RXRG: variants seen among roughly 807,000 people sequenced by gnomAD.
RXRG encodes retinoid X receptor gamma.
A neutral mutation model predicts 49.2 loss-of-function variants in RXRG; 19 were observed. The ratio of observed to expected loss-of-function variants is 0.39; its 90% CI spans 0.27 to 0.57. RXRG has a LOEUF of 0.57. RXRG is among the 20% of genes least tolerant of loss of function. The probability of loss-of-function intolerance (pLI) is 0.64; values close to 1 mark genes in which losing one functional copy is unlikely to be tolerated. For missense variants in RXRG, 452 were observed against 592.5 expected, an observed-to-expected ratio of 0.76 and a Z score of 2.46; for synonymous variants, 224 against 216.6, an observed-to-expected ratio of 1.03 and a Z score of -0.30.
At position 165,445,106 on chromosome 1, in the gene RXRG, G is replaced by A. The variant is rs537633518; in HGVS notation, c.-213C>T. 5 of 572,030 alleles carry A rather than the reference G, an allele frequency of 8.7e-6. No homozygotes were observed. The highest frequency in any genetic ancestry group is 4.5e-4 in the Middle Eastern group (1 of 2,204). 35.4% of individuals were successfully genotyped at this position (572,030 alleles called of 1,614,324 possible). A position where few individuals can be genotyped will look rare whatever the true frequency, so the allele number is the denominator to read the frequency against. On this transcript the variant is annotated 5_prime_UTR_variant, in exon 1 of 10. Coordinates refer to ENST00000359842, the MANE Select transcript of RXRG (RefSeq NM_006917.5). ...GAGTCCACATAGTGCGTTTGAGACGGCTGTGGCGGCAGCAGCTGGTGCCTG... is the reference window on the plus strand; with the variant it reads ...GAGTCCACATAGTGCGTTTGAGACGACTGTGGCGGCAGCAGCTGGTGCCTG...
In RXRG at chr1:165,444,710, A is replaced by G. The variant is rs142772934; in HGVS notation, c.49+135T>C. On this transcript the variant is annotated intron_variant, in intron 1 of 9. Transcript: ENST00000359842. Reference sequence around the variant, plus strand: ...GCGTGCACACACACGCTGAAACGCTATATACACACTATATATGCATATAAA... The same window carrying G: ...GCGTGCACACACACGCTGAAACGCTGTATACACACTATATATGCATATAAA... 1.3e-4 allele frequency: 102 copies of G among 764,662 alleles called. 1 individual carries two copies. The highest frequency in any genetic ancestry group is 1.3e-3 in the African/African-American group (75 of 58,328). 47.4% of individuals were successfully genotyped at this position (764,662 alleles called of 1,614,324 possible).
At chr1:165,410,568 C>T in intron 6 of RXRG, 134 bp downstream of exon 6, 1 of 982,546 alleles carries the variant, frequency 1.0e-6, no homozygotes, top group East Asian at 2.6e-5. Context: ...AATGAACAAC[C>T]CCGCACAGGG....
chr1:165,407,249 G>A (rs1326056729), intron 8 of RXRG, among the ~76,000 whole-genome samples: 2 of 152,196 alleles, frequency 1.3e-5, no homozygotes, highest in Admixed American at 1.3e-4. Flanking sequence ...CATGGACTGA[G>A]TCATAAGATG....
At chr1:165,437,307 G>T in intron 1 of RXRG, 1 of 1,064,428 alleles carries the variant, frequency 9.4e-7, no homozygotes, top group Non-Finnish European at 1.3e-6. Context: ...CCCATTCCCT[G>T]CCCTGGCAGA....
intron 4 of RXRG, among the ~76,000 whole-genome samples, chr1:165,416,135 G>T (rs115172000): frequency 0.017 from 2,530 of 152,252 alleles, 34 homozygotes; most frequent in Admixed American, 0.028. Flanking sequence ...CAGAAAAGAA[G>T]TTCCTCAAGA....
chr1:165,414,821 A>C (rs1658077019), intron 4 of RXRG, among the ~76,000 whole-genome samples: 1 of 152,238 alleles, frequency 6.6e-6, no homozygotes, highest in African/African-American at 2.4e-5. Context: ...AGTATGACGT[A>C]AGCACAGAGT....
At chr1:165,444,278 C>T in intron 1 of RXRG, among the ~76,000 whole-genome samples, 1 of 152,086 alleles carries the variant, frequency 6.6e-6, no homozygotes, top group Non-Finnish European at 1.5e-5. Flanking sequence ...ATTAGCAAAT[C>T]AAAGGAAAGA....
intron 6 of RXRG, among the ~76,000 whole-genome samples, chr1:165,410,273 A>G (rs533297687): frequency 1.3e-5 from 2 of 152,312 alleles, no homozygotes; most frequent in South Asian, 2.1e-4. Flanking sequence ...CAAGTGTCCC[A>G]GAAATAGGAG....
chr1:165,430,581 C>A (rs1195472909), intron 1 of RXRG, among the ~76,000 whole-genome samples: 1 of 152,228 alleles, frequency 6.6e-6, no homozygotes, highest in Non-Finnish European at 1.5e-5. Flanking sequence ...ACGTATGGAG[C>A]TTTGGTCTAT....
rs114987340 is a variant in RXRG, at chr1:165,427,900, T to C, written c.297+819A>G. Among the ~76,000 whole-genome samples, 737 of 152,260 alleles carry C rather than the reference T, an allele frequency of 4.8e-3. 12 individuals carry two copies. Among genetic ancestry groups the C allele is most frequent in the African/African-American group, 0.017 (698 of 41,536 alleles). ...AGTAGCTGCCACTCCTACTGAAACA[T>C]GAGGAGCCTGCAGCTGAGCCCACTC... On this transcript the variant is annotated intron_variant, in intron 2 of 9. Transcript: ENST00000359842.
At chr1:165,414,623 C>T (rs1658070355) in intron 4 of RXRG, among the ~76,000 whole-genome samples, 1 of 152,142 alleles carries the variant, frequency 6.6e-6, no homozygotes. Flanking sequence ...AAAAATGACC[C>T]TGCAGTCACT....
At chr1:165,426,571 T>C (rs1465722240) in intron 2 of RXRG, among the ~76,000 whole-genome samples, 1 of 152,186 alleles carries the variant, frequency 6.6e-6, no homozygotes, top group African/African-American at 2.4e-5. Flanking sequence ...CCCTAGAATA[T>C]GAGGTGTCTC....
chr1:165,414,140 C>T (rs1048089691), intron 4 of RXRG, among the ~76,000 whole-genome samples: 1 of 152,216 alleles, frequency 6.6e-6, no homozygotes, highest in Non-Finnish European at 1.5e-5. Context: ...AATTGATTCA[C>T]TTCTTTGCCT....
intron 9 of RXRG, 121 bp downstream of exon 9, chr1:165,406,691 T>C: frequency 2.7e-6 from 2 of 748,682 alleles, no homozygotes; most frequent in South Asian, 3.4e-5. Context: ...TTTCAGCTTG[T>C]TATGAAGATT....
chr1:165,401,315 G>C lies in RXRG; in HGVS notation c.1340C>G (p.Pro447Arg), dbSNP rs1657558214. ...CATCTCCATGAGGAAGGTGTCAATGGGGGTGTCCCCGATGAGCTTGAAGAA... is the reference window on the plus strand; with the variant it reads ...CATCTCCATGAGGAAGGTGTCAATGCGGGTGTCCCCGATGAGCTTGAAGAA... ...LFFFKLIGDT[P>R]IDTFLMEMLE... The change falls in exon 10 of 10, where the codon CCC becomes CGC. Residue 447 changes from proline (P) to arginine (R), a missense_variant. By Grantham distance (103) the Pro-to-Arg change is moderately radical. Around this residue, in one of 2 missense-constraint regions of RXRG, gnomAD observed 286 missense variants for 440.9 expected, o/e 0.65. Transcript: ENST00000359842. The C allele has an allele frequency of 6.2e-7, 1 of 1,614,112 alleles. No homozygotes were observed. The highest frequency in any genetic ancestry group is 8.5e-7 in the Non-Finnish European group (1 of 1,180,018).
Position 165,417,839 on chromosome 1 carries a change from A to C in RXRG, c.443-619T>G, listed in dbSNP as rs190720642. Among the ~76,000 whole-genome samples, 51 of 152,280 alleles carry C rather than the reference A, an allele frequency of 3.3e-4. No individual in the cohort carries two copies. In the East Asian group the frequency reaches 8.9e-3, roughly 26 times the overall value. On this transcript the variant is annotated intron_variant, in intron 3 of 9. Transcript: ENST00000359842. ...ATTTTGCAGCCGGGCATGGTGGCTCACGCCTGTAATCCCAGCACTTTGGGA... is the reference window on the plus strand; with the variant it reads ...ATTTTGCAGCCGGGCATGGTGGCTCCCGCCTGTAATCCCAGCACTTTGGGA...
At chr1:165,412,326 G>T (rs923652197) in intron 4 of RXRG, among the ~76,000 whole-genome samples, 2 of 152,124 alleles carry the variant, frequency 1.3e-5, no homozygotes, top group African/African-American at 4.8e-5. Flanking sequence ...TGAGAGAGAG[G>T]CAAGGAGGGT....
intron 1 of RXRG, among the ~76,000 whole-genome samples, chr1:165,438,063 A>T (rs1047033781): frequency 6.6e-6 from 1 of 152,180 alleles, no homozygotes; most frequent in Non-Finnish European, 1.5e-5. Flanking sequence ...CGCCTTACGG[A>T]CTACACTGTC....
chr1:165,410,190 C>T (rs1020167049), intron 6 of RXRG, among the ~76,000 whole-genome samples: 2 of 152,184 alleles, frequency 1.3e-5, no homozygotes, highest in Admixed American at 6.5e-5. Flanking sequence ...GTTCCCAATG[C>T]TCAGCCAATC....
Sources: allele counts gnomAD v4.1 joint callset (sites outside exome capture counted in the v4.1 genomes callset), GRCh38; gene constraint gnomAD v4.1.1; regional missense constraint gnomAD v4.1.1; transcripts MANE v1.5; gene names NCBI Gene and HGNC (gene_info 2026-07-23, HGNC 2026-07-21).